Variants in PRORP observed in about 807,000 individuals in gnomAD.
The protein encoded by PRORP is mitochondrial ribonuclease P catalytic subunit.
Under a neutral mutation model 59.4 loss-of-function variants are expected in PRORP, and 51 were observed. The observed-to-expected ratio is 0.86, with a 90% CI of 0.69 to 1.08. PRORP has a LOEUF of 1.08. Ranked by LOEUF, PRORP falls within the 50% of genes least tolerant of loss-of-function variation. PRORP has a pLI of 0.00. For missense variants in PRORP, 646 were observed against 690.3 expected, an observed-to-expected ratio of 0.94 and a Z score of 0.72; for synonymous variants, 231 against 245.6, an observed-to-expected ratio of 0.94 and a Z score of 0.55.
At chr14:35,127,039 GATTT>G (rs1196123191) in intron 3 of PRORP, among the ~76,000 whole-genome samples, 1 of 152,082 alleles carries the variant, frequency 6.6e-6, no homozygotes, top group African/African-American at 2.4e-5. Flanking sequence ...TGTGTTTTAG[GATTT>G]ATTTATTTAT....
intron 5 of PRORP, among the ~76,000 whole-genome samples, chr14:35,251,053 T>C (rs540266254): frequency 6.6e-6 from 1 of 152,270 alleles, no homozygotes; most frequent in South Asian, 2.1e-4. Flanking sequence ...CCAGAGTCCA[T>C]TGTGTCATTC....
At chr14:35,158,193 T>C (rs888215028) in intron 4 of PRORP, 1 of 274,270 alleles carries the variant, frequency 3.6e-6, no homozygotes, top group Non-Finnish European at 7.3e-6. Flanking sequence ...TTCTTCCATT[T>C]GTGCCAGAAG....
intron 4 of PRORP, among the ~76,000 whole-genome samples, chr14:35,150,433 A>G (rs1427432727): frequency 6.6e-6 from 1 of 152,208 alleles, no homozygotes; most frequent in Non-Finnish European, 1.5e-5. Context: ...TAAAACAATT[A>G]CCATTCAGGT....
intron 5 of PRORP, among the ~76,000 whole-genome samples, chr14:35,258,467 T>C (rs867374348): frequency 2.0e-5 from 3 of 151,932 alleles, no homozygotes; most frequent in Non-Finnish European, 2.9e-5. Flanking sequence ...GGTGAAATAG[T>C]AGGAAATATT....
intron 5 of PRORP, among the ~76,000 whole-genome samples, chr14:35,256,301 A>AC (rs1473356891): frequency 6.8e-6 from 1 of 147,308 alleles, no homozygotes; most frequent in East Asian, 2.0e-4. Flanking sequence ...CAAAAAAAAA[A>AC]AAAGAAAAAA....
upstream of PRORP, chr14:35,121,992 C>T (rs970047274): frequency 5.6e-5 from 90 of 1,613,338 alleles, no homozygotes; most frequent in Non-Finnish European, 7.2e-5. Context: ...TCTGCATTTG[C>T]TGTTTCCTAC....
intron 5 of PRORP, among the ~76,000 whole-genome samples, chr14:35,220,595 G>C (rs547146354): frequency 6.6e-6 from 1 of 151,912 alleles, no homozygotes; most frequent in South Asian, 2.1e-4. Flanking sequence ...ATCCCCTCCA[G>C]GAGGGTTGGG....
chr14:35,191,338 C>T (rs935448134), intron 5 of PRORP, among the ~76,000 whole-genome samples: 2 of 152,172 alleles, frequency 1.3e-5, no homozygotes, highest in Non-Finnish European at 1.5e-5. Context: ...TGTGAGGCCT[C>T]CCAAGCCACG....
At chr14:35,155,188 T>A (rs1360002020) in intron 4 of PRORP, among the ~76,000 whole-genome samples, 1 of 152,086 alleles carries the variant, frequency 6.6e-6, no homozygotes, top group African/African-American at 2.4e-5. Flanking sequence ...CCACCATGCC[T>A]GACCCAAACT....
intron 5 of PRORP, among the ~76,000 whole-genome samples, chr14:35,187,189 G>A (rs1477586052): frequency 6.6e-6 from 1 of 152,130 alleles, no homozygotes; most frequent in Non-Finnish European, 1.5e-5. Flanking sequence ...AGTAGAATTG[G>A]TGGGTCATAT....
In PRORP at chr14:35,151,019, A is replaced by G. The variant is rs185185782; in HGVS notation, c.1167+23408A>G. Among the ~76,000 whole-genome samples, 674 of 152,298 alleles carry G rather than the reference A, an allele frequency of 4.4e-3. 5 individuals are homozygous for G. Among genetic ancestry groups the G allele is most frequent in the African/African-American group, 0.015 (639 of 41,546 alleles). On this transcript the variant is annotated intron_variant, in intron 4 of 7. Coordinates refer to ENST00000534898, the MANE Select transcript of PRORP (RefSeq NM_014672.4). ...AGGTTGGCATTATTACTGTTATACTATAACCCATTGCATCATTTGGCTTGG... is the reference window on the plus strand; with the variant it reads ...AGGTTGGCATTATTACTGTTATACTGTAACCCATTGCATCATTTGGCTTGG...
intron 5 of PRORP, among the ~76,000 whole-genome samples, chr14:35,223,222 G>A (rs1024456364): frequency 1.1e-5 from 1 of 88,252 alleles, no homozygotes; most frequent in African/African-American, 3.4e-5. Flanking sequence ...CTTATCAGGT[G>A]CTCTTTTTTT....
At chr14:35,269,449 G>A (rs373740129) in intron 6 of PRORP, among the ~76,000 whole-genome samples, 2 of 152,088 alleles carry the variant, frequency 1.3e-5, no homozygotes, top group African/African-American at 2.4e-5. Context: ...CTTCTTTGTC[G>A]CTTTGGATTT....
At chr14:35,229,611 C>T (rs1194078191) in intron 5 of PRORP, among the ~76,000 whole-genome samples, 2 of 152,144 alleles carry the variant, frequency 1.3e-5, no homozygotes, top group African/African-American at 4.8e-5. Context: ...TATAGTATGC[C>T]AACCTTTTCA....
chr14:35,153,381 A>C (rs922281788), intron 4 of PRORP, among the ~76,000 whole-genome samples: 1 of 139,694 alleles, frequency 7.2e-6, no homozygotes, highest in African/African-American at 2.7e-5. Flanking sequence ...GAGACGGTGG[A>C]AAGAGAGGGA....
intron 5 of PRORP, among the ~76,000 whole-genome samples, chr14:35,257,531 C>G (rs1189925548): frequency 6.6e-6 from 1 of 152,140 alleles, no homozygotes; most frequent in Non-Finnish European, 1.5e-5. Context: ...GAATTTCATT[C>G]CTGTTTAAGG....
intron 4 of PRORP, among the ~76,000 whole-genome samples, chr14:35,146,442 A>AT (rs58984052): frequency 0.11 from 16,345 of 151,382 alleles, 936 homozygotes; most frequent in Middle Eastern, 0.16. Flanking sequence ...GTCTTTAGGG[A>AT]TTTTTTTTTC....
At chr14:35,141,935 A>G (rs1292750360) in intron 4 of PRORP, among the ~76,000 whole-genome samples, 3 of 144,182 alleles carry the variant, frequency 2.1e-5, no homozygotes, top group African/African-American at 7.4e-5. Flanking sequence ...CTGGAGTGCA[A>G]TGGCACGATT....
chr14:35,126,735 T>C lies in PRORP; in HGVS notation c.987T>C (p.Ser329=), dbSNP rs2047108378. The C allele has an allele frequency of 6.2e-7, 1 of 1,608,630 alleles. No homozygotes were observed. Among genetic ancestry groups the C allele is most frequent in the Non-Finnish European group, 8.5e-7 (1 of 1,176,482 alleles). Residue 329 remains serine, a splice_region_variant and synonymous_variant, in exon 3 of 8, where the codon AGT becomes AGC. Transcript: ENST00000534898. The part of the protein sequence containing the change: ...FAHSIKTWFE[S]VPGKQWKGQF... ...ATTTGGTTTTGCAATCTTTTCATAG[T>C]GTTCCTGGAAAACAATGGAAAGGAC... is the stretch of plus-strand genomic sequence containing the variant.
Sources: allele counts gnomAD v4.1 joint callset (sites outside exome capture counted in the v4.1 genomes callset), GRCh38; gene constraint gnomAD v4.1.1; transcripts MANE v1.5; gene names NCBI Gene and HGNC (gene_info 2026-07-23, HGNC 2026-07-21).